DPEP1: variants seen among roughly 807,000 people sequenced by gnomAD.
DPEP1 encodes the protein beta-lactamase.
A neutral mutation model predicts 42.3 loss-of-function variants in DPEP1; 50 were observed. The observed-to-expected ratio is 1.18, with a 90% confidence interval of 0.94 to 1.50. The LOEUF (loss-of-function observed/expected upper bound fraction) is 1.50, where lower values mean the gene tolerates loss of function less well. Ranked by LOEUF, DPEP1 falls within the 40% of genes most tolerant of loss-of-function variation. DPEP1 has a pLI of 0.00. For synonymous variants in DPEP1, 297 were observed against 234.0 expected, an observed-to-expected ratio of 1.27 and a Z score of -2.46; for missense variants, 663 against 553.0, an observed-to-expected ratio of 1.20 and a Z score of -1.99.
intron 1 of DPEP1, among the ~76,000 whole-genome samples, chr16:89,618,915 C>A: frequency 6.7e-6 from 1 of 149,468 alleles, no homozygotes; most frequent in Non-Finnish European, 1.5e-5. Context: ...GGGTTGCCCT[C>A]CCTGCTCCCT....
downstream of DPEP1, chr16:89,638,527 G>A: frequency 8.4e-7 from 1 of 1,196,986 alleles, no homozygotes; most frequent in Non-Finnish European, 1.0e-6. Context: ...TGTGATCCTG[G>A]ATCGAGTCTT....
intron 2 of DPEP1, among the ~76,000 whole-genome samples, chr16:89,631,485 C>A (rs1302207003): frequency 2.0e-5 from 3 of 152,216 alleles, no homozygotes; most frequent in African/African-American, 7.2e-5. Context: ...GTGTCTCCAC[C>A]TGGAAAATGC....
At chr16:89,614,608 C>T (rs960810007) in intron 1 of DPEP1, among the ~76,000 whole-genome samples, 1 of 152,070 alleles carries the variant, frequency 6.6e-6, no homozygotes, top group African/African-American at 2.4e-5. Context: ...TCCTGGCTAA[C>T]ACGGTGAAAC....
downstream of DPEP1, chr16:89,638,552 A>C: frequency 9.3e-7 from 1 of 1,070,674 alleles, no homozygotes; most frequent in Non-Finnish European, 1.2e-6. Context: ...CCAGGCCAGA[A>C]GGGCTCAGGA....
chr16:89,627,297 G>A (rs1450505750), intron 1 of DPEP1, among the ~76,000 whole-genome samples: 1 of 139,086 alleles, frequency 7.2e-6, no homozygotes, highest in Non-Finnish European at 1.6e-5. Context: ...AAAGTCAGAT[G>A]TGGGATCAGG....
intron 2 of DPEP1, among the ~76,000 whole-genome samples, chr16:89,634,760 C>T (rs1597769154): frequency 1.3e-5 from 1 of 76,100 alleles, no homozygotes; most frequent in East Asian, 4.4e-4. Context: ...CTTTCCCTTC[C>T]TTCTCCTTTC....
At chr16:89,622,285 G>A (rs904349989) in intron 1 of DPEP1, among the ~76,000 whole-genome samples, 1 of 152,116 alleles carries the variant, frequency 6.6e-6, no homozygotes, top group Non-Finnish European at 1.5e-5. Context: ...GAGGCAGGAG[G>A]GCCTGGGCAG....
At chr16:89,614,918 G>A (rs2059367760) in intron 1 of DPEP1, among the ~76,000 whole-genome samples, 1 of 152,200 alleles carries the variant, frequency 6.6e-6, no homozygotes, top group African/African-American at 2.4e-5. Context: ...CTGCGGCTGG[G>A]CTAGCGAAGG....
chr16:89,637,377 G>T lies in DPEP1; in HGVS notation c.765G>T (p.Leu255=). 6.2e-7 allele frequency: 1 copy of T among 1,612,316 alleles called. No homozygotes were observed. The highest frequency in any genetic ancestry group is 8.5e-7 in the Non-Finnish European group (1 of 1,179,918). Residue 255 remains leucine (L), a synonymous_variant, in exon 7 of 11, where the codon CTG becomes CTT. Coordinates refer to ENST00000690203, the MANE Select transcript of DPEP1 (RefSeq NM_001389466.1). ...ACGTGCCTGACGACGTCCTGAGGCT[G>T]GTGGTGAGGGCCGAGGGGGCGACCT... ...RRNVPDDVLR[L]VKQTDSLVMV...
At chr16:89,628,275 GAGAT>G (rs2059543335) in intron 1 of DPEP1, among the ~76,000 whole-genome samples, 1 of 115,606 alleles carries the variant, frequency 8.7e-6, no homozygotes, top group African/African-American at 3.2e-5. Context: ...TTTTTTTTGT[GAGAT>G]AGAGATTTAC....
downstream of DPEP1, among the ~76,000 whole-genome samples, chr16:89,640,867 G>A (rs960065344): frequency 2.0e-5 from 3 of 152,138 alleles, no homozygotes; most frequent in African/African-American, 4.8e-5. Context: ...ACCTGGACGC[G>A]GAGACCGGTA....
In DPEP1 at chr16:89,630,446, C is replaced by T. The variant is rs201488723; in HGVS notation, c.36C>T (p.Ala12=). 303 of 1,611,312 alleles carry T rather than the reference C, an allele frequency of 1.9e-4. 1 individual carries two copies. The highest frequency in any genetic ancestry group is 1.6e-4 in the Middle Eastern group (1 of 6,076). Residue 12 remains alanine (A), a synonymous_variant, in exon 2 of 11, where the codon GCC becomes GCT. Coordinates refer to ENST00000690203, the MANE Select transcript of DPEP1 (RefSeq NM_001389466.1). ...GATGGTGGCTGTGGCCCCTTGTGGC[C>T]GTCTGCACTGCAGACTTCTTTCGGG... The part of the protein sequence containing the change: ...WSGWWLWPLV[A]VCTADFFRDE...
chr16:89,626,673 G>T (rs564190219), intron 1 of DPEP1, among the ~76,000 whole-genome samples: 5 of 152,092 alleles, frequency 3.3e-5, no homozygotes. Context: ...GTTTTTAAAA[G>T]TGTTTGGCAG....
chr16:89,637,223 A>C lies in DPEP1; in HGVS notation c.611A>C (p.Asn204Thr), dbSNP rs1597774785. The change falls in exon 7 of 11, where the codon AAC becomes ACC. Residue 204 changes from asparagine to threonine, a missense_variant. By Grantham distance (65) the Asn-to-Thr change is moderately conservative. Coordinates refer to ENST00000690203, the MANE Select transcript of DPEP1 (RefSeq NM_001389466.1). ...PFGQRVVKEL[N>T]RLGVLIDLAH... ...TCCCAGCGTGTGGTGAAGGAGCTGAACCGTCTGGGGGTCCTCATCGACTTG... is the reference window on the plus strand; with the variant it reads ...TCCCAGCGTGTGGTGAAGGAGCTGACCCGTCTGGGGGTCCTCATCGACTTG... 1 of 1,612,506 alleles carries C rather than the reference A, an allele frequency of 6.2e-7. No homozygotes were observed. The highest frequency in any genetic ancestry group is 2.2e-5 in the East Asian group (1 of 44,866).
rs2059678297 is a variant in DPEP1, at chr16:89,636,318, A to G, written c.292A>G (p.Thr98Ala). ...CCAGAACAAAGACGCCGTGCGGAGG[A>G]CGCTGGAGCAGATGGACGTGGTCCA... ...DTQNKDAVRR[T>A]LEQMDVVHRM... is the part of the protein sequence containing the mutation. The change falls in exon 4 of 11, where the codon ACG becomes GCG. Residue 98 changes from threonine to alanine, a missense_variant. Physicochemically the swap from Thr to Ala is moderately conservative, Grantham distance 58. Coordinates refer to ENST00000690203, the MANE Select transcript of DPEP1 (RefSeq NM_001389466.1). 1 of 1,612,274 alleles carries G rather than the reference A, an allele frequency of 6.2e-7. No homozygotes were observed. Among genetic ancestry groups the G allele is most frequent in the Non-Finnish European group, 8.5e-7 (1 of 1,179,870 alleles).
chr16:89,625,362 G>A (rs964333419), intron 1 of DPEP1, among the ~76,000 whole-genome samples: 3 of 152,242 alleles, frequency 2.0e-5, no homozygotes, highest in South Asian at 2.1e-4. Flanking sequence ...CGTTTTAACC[G>A]TCAGTTCTCT....
At chr16:89,622,235 C>T (rs967058035) in intron 1 of DPEP1, among the ~76,000 whole-genome samples, 2 of 152,188 alleles carry the variant, frequency 1.3e-5, no homozygotes, top group African/African-American at 4.8e-5. Context: ...CTACTAACCC[C>T]AGCTCTCTCC....
intron 1 of DPEP1, among the ~76,000 whole-genome samples, chr16:89,629,844 C>T (rs1003002034): frequency 2.0e-5 from 3 of 152,202 alleles, no homozygotes; most frequent in Non-Finnish European, 2.9e-5. Context: ...GCCAGGGGCA[C>T]ACCTGGCTGT....
At chr16:89,624,512 G>T (rs1256326737) in intron 1 of DPEP1, among the ~76,000 whole-genome samples, 3 of 151,174 alleles carry the variant, frequency 2.0e-5, no homozygotes, top group Non-Finnish European at 4.4e-5. Flanking sequence ...TGAGAGGGGC[G>T]CTGTTACATA....
Sources: gnomAD v4.1 joint callset for allele counts (sites outside exome capture counted in the v4.1 genomes callset) on GRCh38, gnomAD v4.1.1 for gene constraint, MANE v1.5 for transcripts, NCBI Gene and HGNC (gene_info 2026-07-23, HGNC 2026-07-21) for gene names.